The following CAMKMT variants were observed in gnomAD, a reference collection of about 807,000 sequenced individuals.
The protein encoded by CAMKMT is CaM KMT.
A neutral mutation model predicts 48.0 loss-of-function variants in CAMKMT; 53 were observed. That is an observed-to-expected ratio of 1.10 (90% CI 0.89 to 1.39). The LOEUF (loss-of-function observed/expected upper bound fraction) is 1.39, where lower values mean the gene tolerates loss of function less well. Ranked by LOEUF, CAMKMT falls within the 40% of genes most tolerant of loss-of-function variation. The pLI, the probability that CAMKMT is intolerant of heterozygous loss-of-function variation, is 0.00. For synonymous variants in CAMKMT, 165 were observed against 152.3 expected (o/e 1.08, Z -0.61); for missense variants, 428 against 402.7 (o/e 1.06, Z -0.54).
At chr2:44,710,016 A>AT (rs1365867118) in intron 6 of CAMKMT, among the ~76,000 whole-genome samples, 9 of 151,342 alleles carry the variant, frequency 5.9e-5, no homozygotes, top group African/African-American at 1.7e-4. Flanking sequence ...TTTAAAAATT[A>AT]TTTTTTTTGT....
At chr2:44,439,286 T>G (rs1666487196) in intron 3 of CAMKMT, among the ~76,000 whole-genome samples, 2 of 152,136 alleles carry the variant, frequency 1.3e-5, no homozygotes, top group African/African-American at 2.4e-5. Context: ...CCCCAATGAC[T>G]TTATCCTACA....
At chr2:44,440,372 A>G (rs769887495) in intron 3 of CAMKMT, among the ~76,000 whole-genome samples, 2 of 152,124 alleles carry the variant, frequency 1.3e-5, no homozygotes, top group Non-Finnish European at 2.9e-5. Flanking sequence ...CAACATTCAG[A>G]TTGTCCCCAG....
chr2:44,381,611 C>T (rs1362174736), intron 2 of CAMKMT, among the ~76,000 whole-genome samples: 1 of 152,142 alleles, frequency 6.6e-6, no homozygotes, highest in African/African-American at 2.4e-5. Context: ...AATTATGGTG[C>T]AGACATCCAT....
At chr2:44,516,418 T>C (rs1029344437) in intron 3 of CAMKMT, among the ~76,000 whole-genome samples, 2 of 152,174 alleles carry the variant, frequency 1.3e-5, no homozygotes, top group Non-Finnish European at 2.9e-5. Context: ...AGGACATGGA[T>C]GAAAGAGAGG....
intron 3 of CAMKMT, among the ~76,000 whole-genome samples, chr2:44,567,196 T>C (rs1668660818): frequency 6.6e-6 from 1 of 152,156 alleles, no homozygotes; most frequent in East Asian, 1.9e-4. Context: ...GCTCTTTCAG[T>C]AGTATTGGTT....
At chr2:44,491,411 C>T (rs1440741094) in intron 3 of CAMKMT, among the ~76,000 whole-genome samples, 2 of 152,094 alleles carry the variant, frequency 1.3e-5, no homozygotes, top group Admixed American at 1.3e-4. Context: ...TCTCCCTATC[C>T]TTATTCATGT....
At chr2:44,397,009 A>G (rs1341220705) in intron 3 of CAMKMT, among the ~76,000 whole-genome samples, 2 of 150,826 alleles carry the variant, frequency 1.3e-5, no homozygotes, top group Non-Finnish European at 3.0e-5. Flanking sequence ...CAGTGAGCCG[A>G]GATTGCACCA....
chr2:44,527,088 G>GTT (rs35522958), intron 3 of CAMKMT, among the ~76,000 whole-genome samples: 9 of 130,620 alleles, frequency 6.9e-5, no homozygotes, highest in Non-Finnish European at 1.3e-4. Context: ...ACCACCCCCA[G>GTT]TTTTTTTTTT....
chr2:44,449,472 G>A (rs936590301), intron 3 of CAMKMT, among the ~76,000 whole-genome samples: 2 of 151,642 alleles, frequency 1.3e-5, no homozygotes, highest in South Asian at 2.1e-4. Context: ...CTGTCCTTTC[G>A]GTTTTTTATA....
intron 3 of CAMKMT, among the ~76,000 whole-genome samples, chr2:44,647,938 A>G (rs1397967412): frequency 1.3e-5 from 2 of 149,660 alleles, no homozygotes; most frequent in Non-Finnish European, 3.0e-5. Context: ...AAAAGAAACT[A>G]TGAACAGCAA....
chr2:44,447,415 T>C (rs543848342), intron 3 of CAMKMT, among the ~76,000 whole-genome samples: 1 of 152,314 alleles, frequency 6.6e-6, no homozygotes, highest in South Asian at 2.1e-4. Flanking sequence ...TAGTTTTGGA[T>C]AAAGAGATTT....
Position 44,754,100 on chromosome 2 carries a change from G to A in CAMKMT, c.744G>A (p.Lys248=). The A allele has an allele frequency of 3.1e-6, 5 of 1,613,856 alleles. No individual in the cohort carries two copies. Among genetic ancestry groups the A allele is most frequent in the Non-Finnish European group, 3.4e-6 (4 of 1,179,734 alleles). The part of the protein sequence containing the change: ...QYRASLVDAI[K]RLLQPRGKAM... ...GAGCCAGCCTTGTTGATGCAATAAA[G>A]AGATTACTCCAGCCCAGGGTAAGTA... Residue 248 remains lysine, a synonymous_variant, in exon 9 of 11, where the codon AAG becomes AAA. Transcript: ENST00000378494.
rs180712434 is a variant in CAMKMT at position 44,639,038 on chromosome 2, C to A, written c.377-65245C>A. On this transcript the variant is annotated intron_variant, in intron 3 of 10. Coordinates refer to ENST00000378494, the MANE Select transcript of CAMKMT (RefSeq NM_024766.5). ...CTTTTCATTGCATCCTGAGTTACATCGATTTCCTTTGGCTTTTTGACATGG... is the reference window on the plus strand; with the variant it reads ...CTTTTCATTGCATCCTGAGTTACATAGATTTCCTTTGGCTTTTTGACATGG... Among the ~76,000 whole-genome samples the A allele has an allele frequency of 1.3e-3, 196 of 152,276 alleles. 1 individual carries two copies. The highest frequency in any genetic ancestry group is 4.5e-3 in the African/African-American group (187 of 41,548).
chr2:44,708,638 C>G (rs1276653312), intron 6 of CAMKMT, among the ~76,000 whole-genome samples: 1 of 152,050 alleles, frequency 6.6e-6, no homozygotes, highest in African/African-American at 2.4e-5. Flanking sequence ...TTGAGACTGT[C>G]TCAAGTTTTT....
At chr2:44,396,757 A>G (rs1440555184) in intron 3 of CAMKMT, among the ~76,000 whole-genome samples, 1 of 150,772 alleles carries the variant, frequency 6.6e-6, no homozygotes, top group Non-Finnish European at 1.5e-5. Context: ...AAAAAAAAAG[A>G]AAGAAAGAAA....
chr2:44,675,966 C>T (rs1675665649), intron 3 of CAMKMT, among the ~76,000 whole-genome samples: 2 of 152,170 alleles, frequency 1.3e-5, no homozygotes, highest in Non-Finnish European at 2.9e-5. Context: ...AGCATGATGT[C>T]CCCCAAGGTT....
At chr2:44,444,832 C>T (rs539898978) in intron 3 of CAMKMT, among the ~76,000 whole-genome samples, 1 of 152,230 alleles carries the variant, frequency 6.6e-6, no homozygotes, top group East Asian at 1.9e-4. Context: ...CTATAGCTAC[C>T]AGTTATCTGG....
At chr2:44,424,391 T>G (rs1684127354) in intron 3 of CAMKMT, among the ~76,000 whole-genome samples, 1 of 152,054 alleles carries the variant, frequency 6.6e-6, no homozygotes, top group South Asian at 2.1e-4. Context: ...AAGGGGTCCA[T>G]GTGAAAGGGC....
intron 3 of CAMKMT, among the ~76,000 whole-genome samples, chr2:44,569,713 A>G (rs910361031): frequency 2.0e-5 from 3 of 152,316 alleles, no homozygotes; most frequent in East Asian, 3.9e-4. Flanking sequence ...GTCATCGCCA[A>G]TCCTCTTTCC....
Sources: allele counts gnomAD v4.1 joint callset (sites outside exome capture counted in the v4.1 genomes callset), GRCh38; gene constraint gnomAD v4.1.1; transcripts MANE v1.5; gene names NCBI Gene and HGNC (gene_info 2026-07-23, HGNC 2026-07-21).